Variants in RANBP2 observed in about 807,000 individuals in gnomAD.
The protein encoded by RANBP2 is RAN binding protein 2, also known as E3 SUMO-protein ligase RanBP2.
RANBP2 carries 57 observed loss-of-function variants against 303.6 expected under a neutral mutation model. That is an observed-to-expected ratio of 0.19 (90% CI 0.15 to 0.23). The LOEUF (loss-of-function observed/expected upper bound fraction) is 0.23, where lower values mean the gene tolerates loss of function less well. Ranked by LOEUF, RANBP2 falls within the 10% of genes least tolerant of loss-of-function variation. The probability of loss-of-function intolerance (pLI) is 1.00; values close to 1 mark genes in which losing one functional copy is unlikely to be tolerated. For missense variants in RANBP2, 3,138 were observed against 3,780.8 expected (o/e 0.83, Z 4.46); for synonymous variants, 1,167 against 1,301.5 (o/e 0.90, Z 2.23).
chr2:109,527,544 C>T, the RANBP2 span, among the ~76,000 whole-genome samples: 1,760 of 152,134 alleles, frequency 0.012, 14 homozygotes, highest in Non-Finnish European at 0.018. Context: ...GGCATGAGAA[C>T]GGATGTCACT....
the RANBP2 span, among the ~76,000 whole-genome samples, chr2:109,010,175 C>T: frequency 1.3e-5 from 2 of 152,204 alleles, no homozygotes; most frequent in South Asian, 2.1e-4. Flanking sequence ...CCTTTTGATC[C>T]TTTGAGGCAA....
At chr2:108,750,017 G>A (rs558171365) in intron 9 of RANBP2, among the ~76,000 whole-genome samples, 152 of 152,342 alleles carry the variant, frequency 1.0e-3, no homozygotes, top group African/African-American at 3.6e-3. Flanking sequence ...GGGGGTGGTG[G>A]CATGTGCCTG....
chr2:109,525,977 C>G, the RANBP2 span, among the ~76,000 whole-genome samples: 8 of 152,138 alleles, frequency 5.3e-5, no homozygotes, highest in African/African-American at 1.9e-4. Context: ...CCCACTGTGG[C>G]CCAGTGAGTG....
the RANBP2 span, among the ~76,000 whole-genome samples, chr2:109,419,230 A>C: frequency 6.6e-6 from 1 of 152,182 alleles, no homozygotes; most frequent in Non-Finnish European, 1.5e-5. Flanking sequence ...AATTAATTCA[A>C]GGTCTAAGAA....
At chr2:109,242,383 G>A in the RANBP2 span, among the ~76,000 whole-genome samples, 21 of 152,256 alleles carry the variant, frequency 1.4e-4, no homozygotes, top group African/African-American at 2.4e-4. Context: ...TGTCTGTGTC[G>A]TGCCTCGTTG....
chr2:109,115,958 C>T, the RANBP2 span, among the ~76,000 whole-genome samples: 1 of 152,148 alleles, frequency 6.6e-6, no homozygotes, highest in Non-Finnish European at 1.5e-5. Context: ...GAATATTGGC[C>T]CCCACTCTCT....
chr2:109,546,825 C>T, the RANBP2 span, among the ~76,000 whole-genome samples: 1 of 152,088 alleles, frequency 6.6e-6, no homozygotes. Context: ...TATAAAAATA[C>T]TCATCATAGT....
the RANBP2 span, among the ~76,000 whole-genome samples, chr2:108,934,914 G>A: frequency 6.6e-6 from 1 of 152,174 alleles, no homozygotes; most frequent in Non-Finnish European, 1.5e-5. Flanking sequence ...GGCAGACAAG[G>A]CTGCTGCTTA....
chr2:109,559,807 T>C, the RANBP2 span, among the ~76,000 whole-genome samples: 12 of 152,066 alleles, frequency 7.9e-5, no homozygotes, highest in Non-Finnish European at 8.8e-5. Context: ...ATGGTTTCAG[T>C]TCATTCATTC....
At chr2:109,225,207 T>C in the RANBP2 span, among the ~76,000 whole-genome samples, 1 of 152,204 alleles carries the variant, frequency 6.6e-6, no homozygotes, top group Non-Finnish European at 1.5e-5. Flanking sequence ...TGCCCCATTC[T>C]TGGCAACTGG....
chr2:109,517,239 C>A, the RANBP2 span, among the ~76,000 whole-genome samples: 1 of 152,184 alleles, frequency 6.6e-6, no homozygotes, highest in Non-Finnish European at 1.5e-5. Context: ...CAGCATCGCC[C>A]GCCCCCTCCC....
At chr2:108,876,736 C>G in the RANBP2 span, among the ~76,000 whole-genome samples, 1 of 151,306 alleles carries the variant, frequency 6.6e-6, no homozygotes, top group East Asian at 1.9e-4. Flanking sequence ...TTATTGTGCT[C>G]TTTGTGGGAT....
the RANBP2 span, among the ~76,000 whole-genome samples, chr2:109,165,190 C>G: frequency 3.8e-5 from 3 of 79,814 alleles, no homozygotes; most frequent in African/African-American, 1.3e-4. Context: ...TCATCACCCT[C>G]AAAAGCTGAG....
the RANBP2 span, chr2:108,930,916 A>G: frequency 6.3e-7 from 1 of 1,590,786 alleles, no homozygotes. Flanking sequence ...CAGTCCAACC[A>G]TCATGAGGAT....
chr2:109,578,436 C>T, the RANBP2 span, among the ~76,000 whole-genome samples: 19 of 152,248 alleles, frequency 1.2e-4, no homozygotes, highest in South Asian at 2.1e-3. Context: ...AGTGTCAATG[C>T]TTCAGGATAA....
chr2:109,229,103 G>T, the RANBP2 span, among the ~76,000 whole-genome samples: 77 of 152,136 alleles, frequency 5.1e-4, no homozygotes, highest in Non-Finnish European at 1.3e-4. Flanking sequence ...CCAAATATCA[G>T]AACAAAAGAT....
At chr2:109,443,282 G>A in the RANBP2 span, among the ~76,000 whole-genome samples, 1 of 152,370 alleles carries the variant, frequency 6.6e-6, no homozygotes, top group South Asian at 2.1e-4. Context: ...CCAGAGCTGG[G>A]ATTCAAATAC....
At chr2:109,492,827 G>A in the RANBP2 span, among the ~76,000 whole-genome samples, 2 of 152,058 alleles carry the variant, frequency 1.3e-5, no homozygotes, top group Non-Finnish European at 2.9e-5. Context: ...TGTGGACATC[G>A]TGGGACATGT....
chr2:108,973,823 CCA>C, the RANBP2 span, among the ~76,000 whole-genome samples: 1 of 152,130 alleles, frequency 6.6e-6, no homozygotes, highest in African/African-American at 2.4e-5. Flanking sequence ...TTTGAATGCC[CCA>C]CAGACTTTTG....
Sources: gnomAD v4.1 joint callset for allele counts (sites outside exome capture counted in the v4.1 genomes callset) on GRCh38, gnomAD v4.1.1 for gene constraint, MANE v1.5 for transcripts, NCBI Gene and HGNC (gene_info 2026-07-23, HGNC 2026-07-21) for gene names.